GCNT2: variants seen among roughly 807,000 people sequenced by gnomAD.
GCNT2 encodes the protein glucosaminyl (N-acetyl) transferase 2 (I blood group), also known as N-acetyllactosaminide beta-1,6-N-acetylglucosaminyl-transferase.
In GCNT2, 34 loss-of-function variants were observed where a neutral mutation model predicts 34.2. The ratio of observed to expected loss-of-function variants is 1.00; its 90% CI spans 0.76 to 1.32. GCNT2 has a LOEUF of 1.32. Among genes scored for constraint, GCNT2 ranks in the 40% most tolerant of loss-of-function variants. The probability of loss-of-function intolerance (pLI) is 0.00; values close to 1 mark genes in which losing one functional copy is unlikely to be tolerated. For synonymous variants in GCNT2, 212 were observed against 188.0 expected, an observed-to-expected ratio of 1.13 and a Z score of -1.04; for missense variants, 584 against 489.4, an observed-to-expected ratio of 1.19 and a Z score of -1.82.
At chr6:10,616,380 G>A (rs1016335632) in intron 3 of GCNT2, among the ~76,000 whole-genome samples, 6 of 152,202 alleles carry the variant, frequency 3.9e-5, no homozygotes, top group Admixed American at 3.3e-4. Context: ...AGTGTGGAAA[G>A]CAACCTAAAC....
chr6:10,554,766 G>T (rs1046293069), intron 3 of GCNT2, among the ~76,000 whole-genome samples: 1 of 152,162 alleles, frequency 6.6e-6, no homozygotes, highest in African/African-American at 2.4e-5. Context: ...AGACTGAACT[G>T]CTTTCTCATT....
chr6:10,569,882 T>TCTTTTTCTTTCTTTCCTTCCTTC (rs1561807441), intron 3 of GCNT2, among the ~76,000 whole-genome samples: 1 of 150,590 alleles, frequency 6.6e-6, no homozygotes, highest in African/African-American at 2.5e-5. Flanking sequence ...TCTTTCTCTT[T>TCTTTTTCTTTCTTTCCTTCCTTC]CTTTTTCTTT....
chr6:10,542,326 CT>C (rs1762071836), intron 3 of GCNT2, among the ~76,000 whole-genome samples: 1 of 152,140 alleles, frequency 6.6e-6, no homozygotes, highest in African/African-American at 2.4e-5. Flanking sequence ...GCCTTTCCCC[CT>C]CTTAAAGGTA....
At chr6:10,556,001 G>A (rs1335361789) in intron 3 of GCNT2, 2 of 1,102,886 alleles carry the variant, frequency 1.8e-6, no homozygotes, top group Non-Finnish European at 1.1e-6. Context: ...TTCAACTCTG[G>A]CTTTCACTGC....
At chr6:10,538,129 C>CAG (rs1761857479) in intron 3 of GCNT2, among the ~76,000 whole-genome samples, 2 of 151,984 alleles carry the variant, frequency 1.3e-5, no homozygotes, top group East Asian at 3.9e-4. Flanking sequence ...AAGTTGAGGC[C>CAG]AGGCGCAGTG....
At chr6:10,590,710 A>G (rs764536509) in intron 3 of GCNT2, among the ~76,000 whole-genome samples, 2 of 151,832 alleles carry the variant, frequency 1.3e-5, no homozygotes, top group Non-Finnish European at 2.9e-5. Flanking sequence ...CCCACCACCA[A>G]GCCCGGCTAA....
chr6:10,575,593 CCT>C (rs1408614493), intron 3 of GCNT2, among the ~76,000 whole-genome samples: 3 of 152,090 alleles, frequency 2.0e-5, no homozygotes, highest in Non-Finnish European at 1.5e-5. Context: ...CATCACATCC[CCT>C]GTGACTTGCA....
At chr6:10,578,727 T>A (rs1278045970) in intron 3 of GCNT2, among the ~76,000 whole-genome samples, 3 of 152,150 alleles carry the variant, frequency 2.0e-5, no homozygotes, top group African/African-American at 7.2e-5. Flanking sequence ...ATTACAGGCG[T>A]GAGCCACTGC....
At position 10,521,734 on chromosome 6, in the gene GCNT2, C is replaced by T. The variant is rs532698891; in HGVS notation, c.-469+317C>T. On this transcript the variant is annotated intron_variant, in intron 1 of 4. Coordinates refer to ENST00000495262, the MANE Select transcript of GCNT2 (RefSeq NM_145649.5). ...CCTACTGGGCACGAGGGTTTTCCAT[C>T]TGTCTCTAAATCATTAGTATCCTTC... The T allele has an allele frequency of 2.7e-4, 41 of 151,428 alleles. No homozygotes were observed. The Middle Eastern group carries it at 0.01, about 38-fold the overall frequency. The allele number at this position is 151,428 out of a possible 1,614,324, so 9.4% of individuals were successfully genotyped here.
chr6:10,548,840 A>G (rs1762370162), intron 3 of GCNT2, among the ~76,000 whole-genome samples: 1 of 151,598 alleles, frequency 6.6e-6, no homozygotes, highest in Non-Finnish European at 1.5e-5. Context: ...TTCACTTGCA[A>G]CCTCCACCTC....
Position 10,529,772 on chromosome 6 carries a change from C to T in GCNT2, c.861C>T (p.Leu287=). The change falls in exon 3 of 5, where the codon CTC becomes CTT. Residue 287 remains leucine (L), a synonymous_variant. Coordinates refer to ENST00000495262, the MANE Select transcript of GCNT2 (RefSeq NM_145649.5). ...AAGACCAGCTCGCACTTGACTTACT[C>T]TCCTGGTCCAAGGACACCTACAGCC... ...VLQDQLALDL[L]SWSKDTYSPD... 1 of 1,614,170 alleles carries T rather than the reference C, an allele frequency of 6.2e-7. No homozygotes were observed. Among genetic ancestry groups the T allele is most frequent in the Non-Finnish European group, 8.5e-7 (1 of 1,180,006 alleles).
At chr6:10,579,826 C>CA (rs61490868) in intron 3 of GCNT2, among the ~76,000 whole-genome samples, 29,651 of 89,608 alleles carry the variant, frequency 0.33, 3,353 homozygotes, top group South Asian at 0.45. Context: ...AAAAAACAAA[C>CA]AAAAAAAAAA....
In GCNT2 at chr6:10,627,432, C is replaced by T. The variant is rs1766307996; in HGVS notation, c.*825C>T. ...CACTTTCCTCTTCTATGACCCCTCT[C>T]TCCCCAGTATTATCTTACTTGCAAA... On this transcript the variant is annotated 3_prime_UTR_variant, in exon 5 of 5. Transcript: ENST00000495262. 1 of 152,222 alleles carries T rather than the reference C, an allele frequency of 6.6e-6. No homozygotes were observed. The highest frequency in any genetic ancestry group is 1.5e-5 in the Non-Finnish European group (1 of 68,070). 9.4% of individuals were successfully genotyped at this position (152,222 alleles called of 1,614,324 possible).
chr6:10,528,102 A>G lies in GCNT2; in HGVS notation c.-282+442A>G, dbSNP rs555225820. 6.6e-5 allele frequency among the ~76,000 whole-genome samples: 10 copies of G among 152,278 alleles called. No homozygotes were observed. In the East Asian group the frequency reaches 1.9e-3, roughly 29 times the overall value. On this transcript the variant is annotated intron_variant, in intron 2 of 4. Transcript: ENST00000495262. ...TTTTGTTGTTTTAAAAAAAGAAGTT[A>G]GCCTTTATTCATCCGAGTGCCACAG...
At chr6:10,558,988 A>G (rs769655351) in intron 3 of GCNT2, among the ~76,000 whole-genome samples, 32 of 151,998 alleles carry the variant, frequency 2.1e-4, no homozygotes, top group Non-Finnish European at 4.4e-4. Flanking sequence ...AAAATTCATA[A>G]AAGTTGGGTC....
intron 3 of GCNT2, among the ~76,000 whole-genome samples, chr6:10,611,496 A>G (rs1435911783): frequency 6.6e-6 from 1 of 151,762 alleles, no homozygotes; most frequent in African/African-American, 2.4e-5. Flanking sequence ...ACGCCCGGCT[A>G]ATTTTTGTAT....
At chr6:10,521,536 T>G (rs970071819) in intron 1 of GCNT2, 119 bp downstream of exon 1, 2 of 152,344 alleles carry the variant, frequency 1.3e-5, no homozygotes, top group East Asian at 3.8e-4. Context: ...AGGCTGGTAC[T>G]CAAATGGGCT....
intron 3 of GCNT2, among the ~76,000 whole-genome samples, chr6:10,589,585 G>A (rs935260376): frequency 2.6e-5 from 4 of 152,136 alleles, no homozygotes; most frequent in African/African-American, 9.7e-5. Context: ...CTGGGCCAGT[G>A]GCAATGGGAA....
At position 10,529,111 on chromosome 6, in the gene GCNT2, C is replaced by T. The variant is rs374650276; in HGVS notation, c.200C>T (p.Thr67Ile). ...TACCCAACAGAAAATGCATTGAAAA[C>T]TACCCTTGATGAAGCTACCTGCTAT... ...VFYPTENALK[T>I]TLDEATCYEY... The change falls in exon 3 of 5, where the codon ACT (threonine) becomes ATT (isoleucine). Residue 67 changes from threonine to isoleucine, a missense_variant. Physicochemically the swap from Thr to Ile is moderately conservative, Grantham distance 89 (BLOSUM62 -1). Coordinates refer to ENST00000495262, the MANE Select transcript of GCNT2 (RefSeq NM_145649.5). 5.6e-6 allele frequency: 9 copies of T among 1,614,038 alleles called. No homozygotes were observed. The highest frequency in any genetic ancestry group is 6.8e-6 in the Non-Finnish European group (8 of 1,180,004).
Sources: allele counts gnomAD v4.1 joint callset (sites outside exome capture counted in the v4.1 genomes callset), GRCh38; gene constraint gnomAD v4.1.1; transcripts MANE v1.5; gene names NCBI Gene and HGNC (gene_info 2026-07-23, HGNC 2026-07-21).